Variants in ANXA3 observed in about 807,000 individuals in gnomAD.
The protein encoded by ANXA3 is 35-alpha calcimedin.
ANXA3 carries 46 observed loss-of-function variants against 48.8 expected under a neutral mutation model. The ratio of observed to expected loss-of-function variants is 0.94; its 90% CI spans 0.74 to 1.21. The LOEUF (loss-of-function observed/expected upper bound fraction) is 1.21, where lower values mean the gene tolerates loss of function less well. ANXA3 is among the 50% of genes most tolerant of loss of function. The pLI is 0.00. For synonymous variants in ANXA3, 128 were observed against 134.7 expected, an observed-to-expected ratio of 0.95 and a Z score of 0.35; for missense variants, 383 against 378.6, an observed-to-expected ratio of 1.01 and a Z score of -0.10.
chr4:78,564,933 T>C (rs1016851246), intron 2 of ANXA3, among the ~76,000 whole-genome samples: 1 of 151,616 alleles, frequency 6.6e-6, no homozygotes, highest in Non-Finnish European at 1.5e-5. Context: ...TATGGACCAG[T>C]GTAAGGAGTT....
At chr4:78,588,280 C>T (rs1484540037) in intron 6 of ANXA3, among the ~76,000 whole-genome samples, 1 of 152,056 alleles carries the variant, frequency 6.6e-6, no homozygotes, top group African/African-American at 2.4e-5. Context: ...ACAGTCCCAG[C>T]TCCTCAGGAG....
chr4:78,601,086 T>A (rs528660924), intron 10 of ANXA3, among the ~76,000 whole-genome samples: 1 of 152,314 alleles, frequency 6.6e-6, no homozygotes, highest in East Asian at 1.9e-4. Flanking sequence ...TGCCCCTGCG[T>A]GCCTAATGAG....
At chr4:78,606,898 A>G (rs958595363) in intron 12 of ANXA3, among the ~76,000 whole-genome samples, 6 of 152,216 alleles carry the variant, frequency 3.9e-5, no homozygotes, top group South Asian at 4.1e-4. Context: ...CTCACACTCA[A>G]TTCTATTTGA....
chr4:78,603,963 C>G (rs1003857094), intron 11 of ANXA3: 1 of 188,024 alleles, frequency 5.3e-6, no homozygotes, highest in Non-Finnish European at 1.1e-5. Context: ...GAAGTATGCT[C>G]CCATGGTACC....
At chr4:78,568,238 T>C (rs1003952877) in intron 2 of ANXA3, among the ~76,000 whole-genome samples, 3 of 152,250 alleles carry the variant, frequency 2.0e-5, no homozygotes, top group African/African-American at 7.2e-5. Context: ...AAACTTTCTT[T>C]GGTTTTGAAA....
chr4:78,581,942 A>G (rs6811289), intron 4 of ANXA3, among the ~76,000 whole-genome samples: 5,843 of 152,302 alleles, frequency 0.038, 389 homozygotes, highest in African/African-American at 0.13. Flanking sequence ...TGTGGCACTC[A>G]TGGAATCCTC....
At chr4:78,585,394 C>A (rs1723151582) in intron 5 of ANXA3, among the ~76,000 whole-genome samples, 1 of 152,174 alleles carries the variant, frequency 6.6e-6, no homozygotes, top group Admixed American at 6.5e-5. Context: ...ATTATGTCTT[C>A]ATTCCAGGCA....
At chr4:78,588,853 G>T (rs1723231124) in intron 6 of ANXA3, among the ~76,000 whole-genome samples, 1 of 152,192 alleles carries the variant, frequency 6.6e-6, no homozygotes, top group Non-Finnish European at 1.5e-5. Flanking sequence ...GTAGACAAGA[G>T]AATTGCTTAA....
At position 78,578,018 on chromosome 4, in the gene ANXA3, C is replaced by T. The variant is rs530843764; in HGVS notation, c.104-1009C>T. 9.2e-5 allele frequency among the ~76,000 whole-genome samples: 14 copies of T among 151,964 alleles called. No individual in the cohort carries two copies. In the East Asian group the frequency reaches 2.5e-3, roughly 27 times the overall value. On this transcript the variant is annotated intron_variant, in intron 3 of 12. Transcript: ENST00000264908. Reference sequence around the variant, plus strand: ...GAGAGGCCGGGTACGGTGGCTTACCCCTGAAATCCCGGCACTTTGGAAGGC... The same window carrying T: ...GAGAGGCCGGGTACGGTGGCTTACCTCTGAAATCCCGGCACTTTGGAAGGC...
intron 4 of ANXA3, among the ~76,000 whole-genome samples, chr4:78,581,722 A>T (rs1578397607): frequency 6.6e-6 from 1 of 152,146 alleles, no homozygotes; most frequent in Non-Finnish European, 1.5e-5. Context: ...CCACATTCTC[A>T]CCAGAGACAA....
chr4:78,587,878 G>A (rs1723209750), intron 6 of ANXA3, among the ~76,000 whole-genome samples: 1 of 152,170 alleles, frequency 6.6e-6, no homozygotes, highest in Non-Finnish European at 1.5e-5. Flanking sequence ...CGGATCACAA[G>A]GTCAGGAGTT....
intron 9 of ANXA3, among the ~76,000 whole-genome samples, 198 bp downstream of exon 9, chr4:78,596,085 G>A (rs919407952): frequency 6.6e-6 from 1 of 152,210 alleles, no homozygotes; most frequent in African/African-American, 2.4e-5. Context: ...TTTCCATAGA[G>A]GCTGAGTAGA....
At chr4:78,593,722 G>C (rs908199035) in intron 7 of ANXA3, among the ~76,000 whole-genome samples, 2 of 148,096 alleles carry the variant, frequency 1.4e-5, no homozygotes, top group African/African-American at 5.0e-5. Context: ...CTGTAGTCTC[G>C]ACCTCCTGGG....
chr4:78,556,845 C>G (rs1722522487), intron 2 of ANXA3, among the ~76,000 whole-genome samples: 1 of 152,194 alleles, frequency 6.6e-6, no homozygotes, highest in Non-Finnish European at 1.5e-5. Context: ...CCTGCTGACA[C>G]CTTCAAAGGC....
chr4:78,555,242 G>C (rs1227580724), intron 2 of ANXA3, among the ~76,000 whole-genome samples: 1 of 152,108 alleles, frequency 6.6e-6, no homozygotes, highest in Non-Finnish European at 1.5e-5. Context: ...TGAATGGATT[G>C]AAGAATATTC....
intron 9 of ANXA3, 151 bp downstream of exon 9, chr4:78,596,038 T>A (rs868039963): frequency 2.3e-5 from 14 of 603,400 alleles, no homozygotes; most frequent in African/African-American, 1.9e-5. Context: ...GAAAGCTGTA[T>A]TGTAACTCAA....
intron 7 of ANXA3, 119 bp downstream of exon 7, chr4:78,591,742 G>C: frequency 1.4e-6 from 1 of 699,106 alleles, no homozygotes; most frequent in Non-Finnish European, 2.5e-6. Flanking sequence ...CTTATGAAAT[G>C]GTTTGTTCAT....
At chr4:78,568,960 T>C (rs182076463) in intron 2 of ANXA3, among the ~76,000 whole-genome samples, 79 of 152,380 alleles carry the variant, frequency 5.2e-4, no homozygotes, top group African/African-American at 1.8e-3. Flanking sequence ...TACTTAATCA[T>C]CAGTTTCATC....
At chr4:78,555,405 G>A (rs192801731) in intron 2 of ANXA3, among the ~76,000 whole-genome samples, 167 of 152,254 alleles carry the variant, frequency 1.1e-3, no homozygotes, top group African/African-American at 3.6e-3. Context: ...AAAAATATTT[G>A]CAGCACATTA....
Sources: allele counts gnomAD v4.1 joint callset (sites outside exome capture counted in the v4.1 genomes callset), GRCh38; gene constraint gnomAD v4.1.1; transcripts MANE v1.5; gene names NCBI Gene and HGNC (gene_info 2026-07-23, HGNC 2026-07-21).